FGFR2: variants seen among roughly 807,000 people sequenced by gnomAD.
FGFR2 encodes fibroblast growth factor receptor 2.
Under a neutral mutation model 95.9 loss-of-function variants are expected in FGFR2, and 19 were observed. The observed-to-expected ratio is 0.20, with a 90% confidence interval of 0.14 to 0.29. The LOEUF is 0.29. FGFR2 is among the 10% of genes least tolerant of loss of function. The pLI, the probability that FGFR2 is intolerant of heterozygous loss-of-function variation, is 1.00. For synonymous variants in FGFR2, 392 were observed against 393.3 expected, an observed-to-expected ratio of 1.00 and a Z score of 0.04; for missense variants, 707 against 1,056.9, an observed-to-expected ratio of 0.67 and a Z score of 4.59.
intron 2 of FGFR2, among the ~76,000 whole-genome samples, chr10:121,576,203 A>AAATAAATC (rs1159702764): frequency 6.6e-6 from 1 of 152,196 alleles, no homozygotes; most frequent in East Asian, 1.9e-4. Flanking sequence ...ATAAATAAAT[A>AAATAAATC]AATAAATCGA....
intron 4 of FGFR2, among the ~76,000 whole-genome samples, chr10:121,554,652 T>G (rs1343772028): frequency 6.6e-6 from 1 of 152,012 alleles, no homozygotes; most frequent in Non-Finnish European, 1.5e-5. Context: ...ATTACAGGCG[T>G]GAGCTACCGC....
chr10:121,574,777 C>T (rs1048816998), intron 2 of FGFR2, among the ~76,000 whole-genome samples: 1 of 152,042 alleles, frequency 6.6e-6, no homozygotes, highest in Non-Finnish European at 1.5e-5. Context: ...TTTAAGGGGG[C>T]GAGGAAGGGA....
intron 12 of FGFR2, among the ~76,000 whole-genome samples, chr10:121,497,797 T>C (rs935703112): frequency 6.6e-6 from 1 of 152,184 alleles, no homozygotes; most frequent in African/African-American, 2.4e-5. Context: ...CTCACTACTA[T>C]GGCAGACACG....
At position 121,485,595 on chromosome 10, in the gene FGFR2, C is replaced by A. The variant is rs2133803361; in HGVS notation, c.2058-63G>T. On this transcript the variant is annotated intron_variant, in intron 15 of 17. Transcript: ENST00000358487. This position sits in a 1 kb window ranked among gnomAD's most constrained non-coding sequence, Gnocchi z 4.2. ...TCCACGTTGCCAAAACCTAAACACG[C>A]CCAGCTGAGACATAAACACCTCCTC... 1 of 1,610,764 alleles carries A rather than the reference C, an allele frequency of 6.2e-7. No individual in the cohort carries two copies. Among genetic ancestry groups the A allele is most frequent in the East Asian group, 2.2e-5 (1 of 44,814 alleles).
Position 121,560,615 on chromosome 10 carries a change from C to CAAAAA in FGFR2, c.454+3882_454+3886dup, listed in dbSNP as rs34753296. Among the ~76,000 whole-genome samples the CAAAAA allele has an allele frequency of 1.5e-3, 79 of 51,802 alleles. 5 individuals carry two copies. The highest frequency in any genetic ancestry group is 5.0e-3 in the African/African-American group (72 of 14,506). 34.0% of individuals were successfully genotyped at this position (51,802 alleles called of 152,430 possible). A position where few individuals can be genotyped will look rare whatever the true frequency, so the allele number is the denominator to read the frequency against. On this transcript the variant is annotated intron_variant, in intron 4 of 17. Transcript: ENST00000358487. ...GGGCAACAGAGCAAGACTCCGTCCC[C>CAAAAA]AAAAAAAAAAAAAAAAAAAAAAAAA...
At chr10:121,482,497 A>C (rs1844887112) in intron 17 of FGFR2, among the ~76,000 whole-genome samples, 1 of 152,200 alleles carries the variant, frequency 6.6e-6, no homozygotes. Flanking sequence ...TTTCCTTCTA[A>C]AATACTTGGG....
At chr10:121,489,111 C>T (rs968349432) in intron 13 of FGFR2, among the ~76,000 whole-genome samples, 3 of 151,930 alleles carry the variant, frequency 2.0e-5, no homozygotes, top group Non-Finnish European at 4.4e-5. Context: ...TTGTCCTTGT[C>T]GCCCAGGCTG....
At chr10:121,516,449 G>A (rs978359984) in intron 8 of FGFR2, among the ~76,000 whole-genome samples, 1 of 152,104 alleles carries the variant, frequency 6.6e-6, no homozygotes, top group South Asian at 2.1e-4. Context: ...AAAATGAAAC[G>A]ATCTATTTTA....
intron 2 of FGFR2, among the ~76,000 whole-genome samples, chr10:121,580,615 C>T (rs1237258746): frequency 3.3e-5 from 5 of 152,108 alleles, no homozygotes; most frequent in East Asian, 3.9e-4. Flanking sequence ...GGTTTTGCAC[C>T]GCAGGACCCA....
chr10:121,571,508 C>G (rs917536841), intron 2 of FGFR2, among the ~76,000 whole-genome samples: 14 of 151,358 alleles, frequency 9.2e-5, no homozygotes, highest in Admixed American at 7.9e-4. Context: ...GGTTTTACCA[C>G]GTTGCCCAGC....
intron 2 of FGFR2, among the ~76,000 whole-genome samples, chr10:121,581,993 C>G (rs541980343): frequency 6.6e-6 from 1 of 151,310 alleles, no homozygotes; most frequent in African/African-American, 2.4e-5. Flanking sequence ...AATGCAATGG[C>G]GTGATCTCAG....
intron 17 of FGFR2, 67 bp downstream of exon 17, chr10:121,483,631 G>T: frequency 9.0e-7 from 1 of 1,113,198 alleles, no homozygotes; most frequent in Non-Finnish European, 1.4e-6. Flanking sequence ...GGGAGTGTGT[G>T]TGTAAAACAC....
chr10:121,520,378 A>C lies in FGFR2; in HGVS notation c.749-209T>G, dbSNP rs1850369224. Among the ~76,000 whole-genome samples the C allele has an allele frequency of 2.0e-5, 3 of 152,196 alleles. 1 individual carries two copies. The South Asian group carries it at 6.2e-4, about 31-fold the overall frequency. On this transcript the variant is annotated intron_variant, in intron 6 of 17. Transcript: ENST00000358487. ...GGAGCGCGACCCTTGTAAAAAGAACACTTACTTAGAAAATTGAGAAAAGAA... is the reference window on the plus strand; with the variant it reads ...GGAGCGCGACCCTTGTAAAAAGAACCCTTACTTAGAAAATTGAGAAAAGAA...
intron 11 of FGFR2, among the ~76,000 whole-genome samples, chr10:121,500,390 G>C (rs749083764): frequency 6.6e-6 from 1 of 152,140 alleles, no homozygotes; most frequent in Non-Finnish European, 1.5e-5. Flanking sequence ...AAAAGAGAAG[G>C]CTTTCTGCTC....
chr10:121,520,956 A>C (rs1250421408), intron 6 of FGFR2, among the ~76,000 whole-genome samples: 2 of 152,244 alleles, frequency 1.3e-5, no homozygotes, highest in Non-Finnish European at 2.9e-5. Flanking sequence ...GTACATTTCT[A>C]AGATGCTCTG....
At chr10:121,519,642 G>A (rs1040525867) in intron 7 of FGFR2, among the ~76,000 whole-genome samples, 2 of 152,166 alleles carry the variant, frequency 1.3e-5, no homozygotes, top group East Asian at 1.9e-4. Flanking sequence ...CTGCACAACC[G>A]CCCTATGGGG....
At chr10:121,589,843 A>G (rs557729341) in intron 2 of FGFR2, among the ~76,000 whole-genome samples, 12 of 152,388 alleles carry the variant, frequency 7.9e-5, no homozygotes, top group African/African-American at 2.6e-4. Context: ...TTAAATATTA[A>G]CACTCATATT....
chr10:121,488,287 T>TA (rs1189140419), intron 13 of FGFR2, among the ~76,000 whole-genome samples, 174 bp from the exon 14 acceptor site: 2 of 152,078 alleles, frequency 1.3e-5, no homozygotes, highest in African/African-American at 2.4e-5. Flanking sequence ...ATGCCTGTAA[T>TA]ACCAGCACTT....
At chr10:121,487,872 G>A in intron 14 of FGFR2, 119 bp downstream of exon 14, 1 of 1,255,168 alleles carries the variant, frequency 8.0e-7, no homozygotes, top group South Asian at 1.2e-5. Flanking sequence ...ACGGGAATCG[G>A]GGCAGGGGAA....
Sources: gnomAD v4.1 joint callset for allele counts (sites outside exome capture counted in the v4.1 genomes callset) on GRCh38, gnomAD v4.1.1 for gene constraint, Gnocchi (gnomAD v3.1) non-coding constraint, MANE v1.5 for transcripts, NCBI Gene and HGNC (gene_info 2026-07-23, HGNC 2026-07-21) for gene names.